DAB1: variants seen among roughly 807,000 people sequenced by gnomAD.
DAB1 encodes the protein DAB adaptor protein 1.
In DAB1, 15 loss-of-function variants were observed where a neutral mutation model predicts 64.6. The ratio of observed to expected loss-of-function variants is 0.23; its 90% CI spans 0.16 to 0.36. The LOEUF is 0.36. DAB1 is among the 10% of genes least tolerant of loss of function. The pLI, the probability that DAB1 is intolerant of heterozygous loss-of-function variation, is 1.00. For synonymous variants in DAB1, 235 were observed against 251.9 expected (o/e 0.93, Z 0.64); for missense variants, 596 against 706.7 (o/e 0.84, Z 1.78).
intron 2 of DAB1, among the ~76,000 whole-genome samples, chr1:57,243,769 C>T (rs1458099640): frequency 1.3e-5 from 2 of 152,128 alleles, no homozygotes; most frequent in Non-Finnish European, 2.9e-5. Flanking sequence ...ACATAAGCAG[C>T]GCTGGTGGTC....
At chr1:57,165,032 A>G (rs1054006355) in intron 2 of DAB1, among the ~76,000 whole-genome samples, 1 of 152,148 alleles carries the variant, frequency 6.6e-6, no homozygotes, top group Non-Finnish European at 1.5e-5. Context: ...GTTTACCCTA[A>G]TTCTCCCTCC....
intron 1 of DAB1, among the ~76,000 whole-genome samples, chr1:57,298,169 G>T (rs1673356114): frequency 6.6e-6 from 1 of 151,766 alleles, no homozygotes; most frequent in Non-Finnish European, 1.5e-5. Context: ...ATCTGACCAT[G>T]GCAATTTGGA....
chr1:58,177,017 C>A (rs1338015977), intron 4 of DAB1, among the ~76,000 whole-genome samples: 2 of 151,018 alleles, frequency 1.3e-5, no homozygotes, highest in African/African-American at 4.9e-5. Context: ...AACACTGTTA[C>A]AATGGTAAAT....
chr1:57,843,315 C>T (rs1429289917), intron 1 of DAB1, among the ~76,000 whole-genome samples: 1 of 152,130 alleles, frequency 6.6e-6, no homozygotes, highest in Non-Finnish European at 1.5e-5. Flanking sequence ...AACACAATAG[C>T]AAGAATGTAG....
At chr1:57,349,409 T>A (rs12057538) in intron 1 of DAB1, among the ~76,000 whole-genome samples, 5,768 of 152,168 alleles carry the variant, frequency 0.038, 347 homozygotes, top group African/African-American at 0.13. Context: ...GTATCATACA[T>A]TTAGCCTTTA....
At chr1:58,257,448 T>C (rs1463158438) in intron 4 of DAB1, among the ~76,000 whole-genome samples, 2 of 152,174 alleles carry the variant, frequency 1.3e-5, no homozygotes, top group African/African-American at 2.4e-5. Context: ...AACACCTTTT[T>C]TTTTCTTTCC....
intron 9 of DAB1, among the ~76,000 whole-genome samples, chr1:57,026,472 G>A (rs778250302): frequency 4.6e-5 from 7 of 152,128 alleles, no homozygotes; most frequent in South Asian, 2.1e-4. Flanking sequence ...TCATGGTCAC[G>A]TCAGTAAGGG....
At chr1:57,942,758 C>A (rs1345790383) in intron 5 of DAB1, among the ~76,000 whole-genome samples, 1 of 152,168 alleles carries the variant, frequency 6.6e-6, no homozygotes, top group Admixed American at 6.6e-5. Context: ...CTGGATGGCA[C>A]AGAACAGAGC....
intron 1 of DAB1, among the ~76,000 whole-genome samples, chr1:57,327,156 G>T (rs1329254062): frequency 2.0e-5 from 3 of 152,032 alleles, no homozygotes; most frequent in Non-Finnish European, 4.4e-5. Flanking sequence ...CCCCAGGCTG[G>T]TCTTGTACTC....
chr1:57,605,080 C>T (rs1424030959), intron 7 of DAB1, among the ~76,000 whole-genome samples: 2 of 152,180 alleles, frequency 1.3e-5, no homozygotes, highest in Non-Finnish European at 2.9e-5. Context: ...GCACGAACCA[C>T]TCTGGGGAGA....
intron 2 of DAB1, among the ~76,000 whole-genome samples, chr1:57,167,295 C>A (rs1661289027): frequency 6.6e-6 from 1 of 152,148 alleles, no homozygotes; most frequent in African/African-American, 2.4e-5. Flanking sequence ...GTAAAGTCAT[C>A]AAGGAATTAT....
intron 9 of DAB1, among the ~76,000 whole-genome samples, chr1:57,047,460 T>C (rs551332196): frequency 5.3e-5 from 8 of 152,160 alleles, no homozygotes; most frequent in African/African-American, 1.9e-4. Flanking sequence ...TTAGTGGCCT[T>C]ATAAGAAGGG....
chr1:58,495,671 T>C (rs1645787857), intron 3 of DAB1, among the ~76,000 whole-genome samples: 1 of 151,860 alleles, frequency 6.6e-6, no homozygotes, highest in Non-Finnish European at 1.5e-5. Flanking sequence ...TATTGTCCTA[T>C]GTGTTTCATT....
At chr1:57,594,611 A>C (rs1645483746) in intron 7 of DAB1, among the ~76,000 whole-genome samples, 1 of 152,200 alleles carries the variant, frequency 6.6e-6, no homozygotes, top group South Asian at 2.1e-4. Flanking sequence ...TCCTAAGCTC[A>C]ATGCTATTTA....
chr1:58,051,320 T>C (rs971402164), intron 5 of DAB1, among the ~76,000 whole-genome samples: 4 of 152,122 alleles, frequency 2.6e-5, no homozygotes, highest in Admixed American at 6.5e-5. Flanking sequence ...GTCCTTGTGA[T>C]AGTTTGCTCA....
At chr1:57,927,415 C>T (rs1196409334) in intron 5 of DAB1, among the ~76,000 whole-genome samples, 1 of 152,058 alleles carries the variant, frequency 6.6e-6, no homozygotes, top group African/African-American at 2.4e-5. Context: ...GGGAGGATCA[C>T]CTGAGCTTCT....
chr1:58,331,484 T>C (rs1289497834), intron 4 of DAB1, among the ~76,000 whole-genome samples: 1 of 152,222 alleles, frequency 6.6e-6, no homozygotes, highest in Non-Finnish European at 1.5e-5. Context: ...AGTAACATGC[T>C]ATCAAACAGT....
intron 7 of DAB1, among the ~76,000 whole-genome samples, chr1:57,565,884 A>G (rs1430452093): frequency 1.3e-5 from 2 of 152,182 alleles, no homozygotes; most frequent in African/African-American, 4.8e-5. Flanking sequence ...GAAAGTTAAC[A>G]AGGATATCCA....
intron 6 of DAB1, among the ~76,000 whole-genome samples, chr1:57,651,189 C>G (rs1646252326): frequency 6.6e-6 from 1 of 151,666 alleles, no homozygotes; most frequent in Admixed American, 6.6e-5. Flanking sequence ...TAAAAATATA[C>G]ACACACACAA....
Sources: allele counts gnomAD v4.1 joint callset (sites outside exome capture counted in the v4.1 genomes callset), GRCh38; gene constraint gnomAD v4.1.1; transcripts MANE v1.5; gene names NCBI Gene and HGNC (gene_info 2026-07-23, HGNC 2026-07-21).